CNTNAP2: variants seen among roughly 807,000 people sequenced by gnomAD.
The protein encoded by CNTNAP2 is contactin-associated protein-like 2.
Under a neutral mutation model 155.2 loss-of-function variants are expected in CNTNAP2, and 98 were observed. The observed-to-expected ratio is 0.63, with a 90% CI of 0.54 to 0.75. The LOEUF is 0.75. Ranked by LOEUF, CNTNAP2 falls within the 30% of genes least tolerant of loss-of-function variation. The probability of loss-of-function intolerance (pLI) is 0.00; values close to 1 mark genes in which losing one functional copy is unlikely to be tolerated. For missense variants in CNTNAP2, 1,727 were observed against 1,688.1 expected (o/e 1.02, Z -0.40); for synonymous variants, 651 against 631.2 (o/e 1.03, Z -0.47).
intron 11 of CNTNAP2, among the ~76,000 whole-genome samples, chr7:147,529,352 T>C (rs1418895440): frequency 2.0e-5 from 3 of 152,194 alleles, no homozygotes; most frequent in Non-Finnish European, 4.4e-5. Flanking sequence ...CTTTTCTCAT[T>C]CCTTCCATTA....
chr7:147,925,292 GCACACACA>G (rs71183036), intron 14 of CNTNAP2, among the ~76,000 whole-genome samples: 7,789 of 143,168 alleles, frequency 0.054, 570 homozygotes, highest in African/African-American at 0.14. Flanking sequence ...AAGCGCGCGC[GCACACACA>G]CACACACACA....
At chr7:147,736,479 T>G (rs981621750) in intron 13 of CNTNAP2, among the ~76,000 whole-genome samples, 63 of 152,292 alleles carry the variant, frequency 4.1e-4, no homozygotes, top group African/African-American at 1.4e-3. Flanking sequence ...TCAACTTTGG[T>G]GAATCTGACA....
intron 1 of CNTNAP2, among the ~76,000 whole-genome samples, chr7:146,217,820 A>C (rs1799137655): frequency 6.6e-6 from 1 of 152,156 alleles, no homozygotes; most frequent in Non-Finnish European, 1.5e-5. Flanking sequence ...AGATTGTAAG[A>C]GTATATGCAT....
chr7:147,020,936 A>G (rs1015893994), intron 3 of CNTNAP2, among the ~76,000 whole-genome samples: 1 of 152,082 alleles, frequency 6.6e-6, no homozygotes, highest in Non-Finnish European at 1.5e-5. Flanking sequence ...ATTAAGATGC[A>G]TTTCTTGTTA....
At chr7:147,806,650 T>C (rs1317333146) in intron 13 of CNTNAP2, among the ~76,000 whole-genome samples, 1 of 152,170 alleles carries the variant, frequency 6.6e-6, no homozygotes, top group Non-Finnish European at 1.5e-5. Context: ...ATATACAAAA[T>C]GGAATATTAT....
intron 13 of CNTNAP2, among the ~76,000 whole-genome samples, chr7:147,870,586 C>G (rs1376656813): frequency 6.6e-6 from 1 of 152,202 alleles, no homozygotes; most frequent in Non-Finnish European, 1.5e-5. Context: ...GCAGAGAAAA[C>G]ATGCTCAACC....
intron 13 of CNTNAP2, among the ~76,000 whole-genome samples, chr7:147,851,307 C>T (rs890724073): frequency 3.3e-5 from 5 of 152,122 alleles, no homozygotes; most frequent in Non-Finnish European, 5.9e-5. Flanking sequence ...AATAGGAACA[C>T]TTTTACACTG....
intron 13 of CNTNAP2, among the ~76,000 whole-genome samples, chr7:147,891,708 T>A (rs760249229): frequency 6.6e-6 from 1 of 152,018 alleles, no homozygotes; most frequent in Admixed American, 6.6e-5. Flanking sequence ...AATTAGAATA[T>A]AAACTTATAG....
At chr7:146,810,171 G>A (rs1403499926) in intron 2 of CNTNAP2, among the ~76,000 whole-genome samples, 2 of 152,048 alleles carry the variant, frequency 1.3e-5, no homozygotes, top group Admixed American at 6.6e-5. Context: ...GCATGGGTGG[G>A]TGTTTTTCTG....
chr7:146,684,204 G>T (rs1270616977), intron 1 of CNTNAP2, among the ~76,000 whole-genome samples: 1 of 152,120 alleles, frequency 6.6e-6, no homozygotes, highest in Non-Finnish European at 1.5e-5. Context: ...TCCCAGAAGT[G>T]GAGATGTTGG....
At chr7:148,131,950 G>A (rs1354573880) in intron 16 of CNTNAP2, among the ~76,000 whole-genome samples, 1 of 152,160 alleles carries the variant, frequency 6.6e-6, no homozygotes, top group African/African-American at 2.4e-5. Flanking sequence ...ACCAAAGATT[G>A]TCTCAAAAGG....
In CNTNAP2 at chr7:146,688,353, A is replaced by G. The variant is rs151179777; in HGVS notation, c.98-85918A>G. On this transcript the variant is annotated intron_variant, in intron 1 of 23. Transcript: ENST00000361727. ...ACATACTGTTATGCGCATCCATGTG[A>G]AGCGACCACCACACAGGCTTTGTGT... Among the ~76,000 whole-genome samples, 3 of 152,252 alleles carry G rather than the reference A, an allele frequency of 2.0e-5. No individual in the cohort carries two copies. In the East Asian group the frequency reaches 5.8e-4, roughly 29 times the overall value.
At chr7:146,320,449 A>T (rs984521569) in intron 1 of CNTNAP2, among the ~76,000 whole-genome samples, 1 of 152,216 alleles carries the variant, frequency 6.6e-6, no homozygotes, top group South Asian at 2.1e-4. Flanking sequence ...AATGTTATAC[A>T]TAAGAAGAAG....
chr7:147,099,962 A>G (rs764694061), intron 4 of CNTNAP2, among the ~76,000 whole-genome samples: 1 of 152,184 alleles, frequency 6.6e-6, no homozygotes, highest in Non-Finnish European at 1.5e-5. Flanking sequence ...ATTTCCTACA[A>G]ATAGATTATA....
intron 3 of CNTNAP2, among the ~76,000 whole-genome samples, chr7:146,889,471 T>C (rs1172695844): frequency 2.0e-5 from 3 of 152,156 alleles, no homozygotes; most frequent in Non-Finnish European, 2.9e-5. Flanking sequence ...GTGAGATTCA[T>C]AGACGTGTCT....
At chr7:148,331,971 C>T (rs1279972176) in intron 21 of CNTNAP2, among the ~76,000 whole-genome samples, 1 of 152,150 alleles carries the variant, frequency 6.6e-6, no homozygotes, top group Non-Finnish European at 1.5e-5. Flanking sequence ...ATCACATTTC[C>T]AGATGCAGCA....
At chr7:146,312,973 T>C (rs1041848225) in intron 1 of CNTNAP2, among the ~76,000 whole-genome samples, 2 of 152,214 alleles carry the variant, frequency 1.3e-5, no homozygotes, top group African/African-American at 2.4e-5. Flanking sequence ...TGGATACTTA[T>C]ATTGCTTTCA....
intron 1 of CNTNAP2, among the ~76,000 whole-genome samples, chr7:146,732,583 G>A (rs537281275): frequency 2.0e-5 from 3 of 152,164 alleles, no homozygotes; most frequent in African/African-American, 7.2e-5. Flanking sequence ...TACTCATGTT[G>A]TTCTTCTGTT....
chr7:147,538,698 G>A (rs544142033), intron 11 of CNTNAP2, among the ~76,000 whole-genome samples: 28 of 152,178 alleles, frequency 1.8e-4, no homozygotes, highest in African/African-American at 6.5e-4. Flanking sequence ...GCCACCTGTA[G>A]TTTGGATGTT....
Sources: gnomAD v4.1 joint callset for allele counts (sites outside exome capture counted in the v4.1 genomes callset) on GRCh38, gnomAD v4.1.1 for gene constraint, MANE v1.5 for transcripts, NCBI Gene and HGNC (gene_info 2026-07-23, HGNC 2026-07-21) for gene names.